The following CCDC178 variants were observed in gnomAD, a reference collection of about 807,000 sequenced individuals.
The protein encoded by CCDC178 is coiled-coil domain-containing protein 178.
Under a neutral mutation model 117.4 loss-of-function variants are expected in CCDC178, and 126 were observed. That is an observed-to-expected ratio of 1.07 (90% CI 0.93 to 1.24). The LOEUF (loss-of-function observed/expected upper bound fraction) is 1.24. CCDC178 is among the 50% of genes most tolerant of loss of function. The probability of loss-of-function intolerance (pLI) is 0.00; values close to 1 mark genes in which losing one functional copy is unlikely to be tolerated. For missense variants in CCDC178, 1,030 were observed against 986.9 expected (o/e 1.04, Z -0.59); for synonymous variants, 283 against 313.4 (o/e 0.90, Z 1.02).
At chr18:33,288,655 C>T (rs1165818901) in intron 12 of CCDC178, among the ~76,000 whole-genome samples, 5 of 151,792 alleles carry the variant, frequency 3.3e-5, no homozygotes, top group Non-Finnish European at 5.9e-5. Context: ...GTGTTATAAG[C>T]GCCAGCATAG....
chr18:32,950,673 C>T (rs961963474), intron 22 of CCDC178, among the ~76,000 whole-genome samples: 20 of 152,134 alleles, frequency 1.3e-4, no homozygotes, highest in African/African-American at 4.6e-4. Context: ...GAGTTCCTTA[C>T]AACTTCAGCT....
At chr18:33,035,452 T>C (rs1276278730) in intron 21 of CCDC178, among the ~76,000 whole-genome samples, 1 of 152,032 alleles carries the variant, frequency 6.6e-6, no homozygotes, top group African/African-American at 2.4e-5. Context: ...AATAAAATCC[T>C]GTCTTTTGTG....
Position 32,971,580 on chromosome 18 carries a change from A to G in CCDC178, c.2523+2967T>C, listed in dbSNP as rs979255082. The stretch of plus-strand genomic sequence containing the variant: ...GGTCAAATGGTATTTCCAGTTCTAG[A>G]TCCTTGAGGAATTGCCACACTGTCA... On this transcript the variant is annotated intron_variant, in intron 22 of 22. Transcript: ENST00000383096. Among the ~76,000 whole-genome samples, 15 of 152,246 alleles carry G rather than the reference A, an allele frequency of 9.9e-5. 1 individual carries two copies. The highest frequency in any genetic ancestry group is 3.6e-4 in the African/African-American group (15 of 41,550).
chr18:33,284,358 A>G lies in CCDC178; in HGVS notation c.1176+8801T>C, dbSNP rs543707674. Among the ~76,000 whole-genome samples the G allele has an allele frequency of 3.3e-5, 5 of 152,310 alleles. No homozygotes were observed. In the South Asian group the frequency reaches 6.2e-4, roughly 19 times the overall value. ...AAACCCCCATGACATAAGGTTACCTATGTAACAAACCTACACACGTATCCC... is the reference window on the plus strand; with the variant it reads ...AAACCCCCATGACATAAGGTTACCTGTGTAACAAACCTACACACGTATCCC... On this transcript the variant is annotated intron_variant, in intron 12 of 22. Coordinates refer to ENST00000383096, the MANE Select transcript of CCDC178 (RefSeq NM_001105528.4).
chr18:33,036,271 C>A (rs1836892874), intron 21 of CCDC178, among the ~76,000 whole-genome samples: 1 of 151,718 alleles, frequency 6.6e-6, no homozygotes, highest in Non-Finnish European at 1.5e-5. Context: ...TAAAAGTACT[C>A]ACAATTCCCC....
intron 20 of CCDC178, among the ~76,000 whole-genome samples, chr18:33,146,483 T>G (rs1301276336): frequency 6.6e-6 from 1 of 152,132 alleles, no homozygotes; most frequent in Admixed American, 6.5e-5. Context: ...GGGCAGACCT[T>G]GTTTCTGCAA....
chr18:33,018,956 A>C (rs2056056112), intron 21 of CCDC178, among the ~76,000 whole-genome samples: 2 of 152,304 alleles, frequency 1.3e-5, no homozygotes, highest in Admixed American at 1.3e-4. Flanking sequence ...AGCTGGTATA[A>C]TACTACATTT....
intron 6 of CCDC178, among the ~76,000 whole-genome samples, chr18:33,361,080 A>G (rs1312830502): frequency 6.6e-6 from 1 of 151,750 alleles, no homozygotes; most frequent in East Asian, 1.9e-4. Context: ...AGACTTCCTG[A>G]TTTAAACTTA....
rs118114668 is a variant in CCDC178, at chr18:33,331,960, C to T, written c.879+1214G>A. On this transcript the variant is annotated intron_variant, in intron 10 of 22. Transcript: ENST00000383096. ...ACAGTCAAATAAGCAGTTTTGTTGC[C>T]AGATATTGGAAACAACTCAGATGGC... 9.1e-4 allele frequency among the ~76,000 whole-genome samples: 138 copies of T among 152,128 alleles called. 2 individuals carry two copies. The East Asian group carries it at 0.025, about 27-fold the overall frequency.
Position 33,224,946 on chromosome 18 carries a change from A to G in CCDC178, c.1657-10T>C. On this transcript the variant is annotated splice_polypyrimidine_tract_variant and intron_variant, in intron 16 of 22. Coordinates refer to ENST00000383096, the MANE Select transcript of CCDC178 (RefSeq NM_001105528.4). ...TGGAATATAGTTTTTTCTGCCAGCA[A>G]AGATTTTAAATAAATCATTCAGTTA... is the stretch of plus-strand genomic sequence containing the variant. 1.3e-6 allele frequency: 2 copies of G among 1,489,782 alleles called. No homozygotes were observed. The highest frequency in any genetic ancestry group is 1.4e-5 in the South Asian group (1 of 70,010). 92.3% of individuals were successfully genotyped at this position (1,489,782 alleles called of 1,614,324 possible).
intron 9 of CCDC178, among the ~76,000 whole-genome samples, chr18:33,334,971 T>C (rs2062720326): frequency 6.6e-6 from 1 of 152,080 alleles, no homozygotes; most frequent in Non-Finnish European, 1.5e-5. Context: ...GTCATCACTA[T>C]TAATCATTGC....
intron 20 of CCDC178, among the ~76,000 whole-genome samples, chr18:33,133,921 A>T (rs1014432742): frequency 5.9e-5 from 9 of 151,968 alleles, no homozygotes; most frequent in African/African-American, 1.9e-4. Flanking sequence ...TTTGAGATAC[A>T]CTTCTGGAAA....
At chr18:32,943,163 C>T (rs1327682667) in intron 22 of CCDC178, among the ~76,000 whole-genome samples, 1 of 152,120 alleles carries the variant, frequency 6.6e-6, no homozygotes, top group Non-Finnish European at 1.5e-5. Flanking sequence ...GGAAAATAAT[C>T]ACATCTTTGA....
intron 21 of CCDC178, among the ~76,000 whole-genome samples, chr18:33,022,676 T>G (rs1208012006): frequency 6.6e-6 from 1 of 151,830 alleles, no homozygotes; most frequent in Non-Finnish European, 1.5e-5. Context: ...AACTGAGAAA[T>G]GAAAACAGAA....
chr18:33,433,794 G>GTT (rs1171528816), intron 2 of CCDC178, among the ~76,000 whole-genome samples: 15 of 151,456 alleles, frequency 9.9e-5, no homozygotes, highest in Non-Finnish European at 2.1e-4. Context: ...CAGAATTTGT[G>GTT]TGTGTGTGTG....
chr18:33,408,108 G>A (rs1372534148), intron 3 of CCDC178, among the ~76,000 whole-genome samples: 6 of 151,714 alleles, frequency 4.0e-5, no homozygotes, highest in African/African-American at 1.2e-4. Flanking sequence ...GTAAATCCAT[G>A]TATGCAAGTC....
chr18:33,002,683 A>G (rs762640486), intron 21 of CCDC178, among the ~76,000 whole-genome samples: 1 of 152,064 alleles, frequency 6.6e-6, no homozygotes, highest in African/African-American at 2.4e-5. Context: ...TAAAGATCAG[A>G]GCAGAAATAA....
chr18:33,279,405 G>A (rs1323875093), intron 12 of CCDC178, among the ~76,000 whole-genome samples: 4 of 152,156 alleles, frequency 2.6e-5, no homozygotes, highest in Non-Finnish European at 5.9e-5. Flanking sequence ...CAAGGGACGT[G>A]AAGGACCTCT....
intron 21 of CCDC178, among the ~76,000 whole-genome samples, chr18:33,083,886 C>G (rs74774732): frequency 6.6e-6 from 1 of 152,144 alleles, no homozygotes; most frequent in East Asian, 1.9e-4. Context: ...AGATCAGATA[C>G]CTATTCAACT....
Sources: allele counts gnomAD v4.1 joint callset (sites outside exome capture counted in the v4.1 genomes callset), GRCh38; gene constraint gnomAD v4.1.1; transcripts MANE v1.5; gene names NCBI Gene and HGNC (gene_info 2026-07-23, HGNC 2026-07-21).